Variants in ARHGAP12 observed in about 807,000 individuals in gnomAD.
ARHGAP12 encodes the protein Rho GTPase activating protein 12, also known as rho GTPase-activating protein 12.
Under a neutral mutation model 108.6 loss-of-function variants are expected in ARHGAP12, and 64 were observed. The observed-to-expected ratio is 0.59, with a 90% CI of 0.48 to 0.73. The LOEUF is 0.73. Among genes scored for constraint, ARHGAP12 ranks in the 30% least tolerant of loss-of-function variants. ARHGAP12 has a pLI of 0.00. For synonymous variants in ARHGAP12, 312 were observed against 337.2 expected (o/e 0.93, Z 0.82); for missense variants, 940 against 1,005.9 (o/e 0.93, Z 0.89).
intron 3 of ARHGAP12, among the ~76,000 whole-genome samples, chr10:31,865,819 A>C (rs1299876747): frequency 1.3e-5 from 2 of 151,506 alleles, no homozygotes; most frequent in Non-Finnish European, 1.5e-5. Context: ...CAGAGCTTGC[A>C]GTGAGCCAAG....
At chr10:31,863,709 G>T (rs926861866) in intron 3 of ARHGAP12, among the ~76,000 whole-genome samples, 4 of 151,814 alleles carry the variant, frequency 2.6e-5, no homozygotes, top group African/African-American at 9.7e-5. Context: ...AATGAAACAA[G>T]CACAGATATT....
At chr10:31,857,404 G>T (rs892436164) in intron 4 of ARHGAP12, among the ~76,000 whole-genome samples, 3 of 152,096 alleles carry the variant, frequency 2.0e-5, no homozygotes, top group Admixed American at 6.5e-5. Flanking sequence ...AATAGAAGCT[G>T]GATCTTGAAA....
At position 31,883,242 on chromosome 10, in the gene ARHGAP12, T is replaced by C. The variant is rs189421553; in HGVS notation, c.685-21584A>G. 6.0e-3 allele frequency among the ~76,000 whole-genome samples: 918 copies of C among 151,786 alleles called. 15 individuals carry two copies. Among genetic ancestry groups the C allele is most frequent in the African/African-American group, 0.02 (841 of 41,362 alleles). ...CCTGGGAGGCGGAGGTTGTGGTGAGTTGAGATTGCGCCATTGCACTCCAGC... is the reference window on the plus strand; with the variant it reads ...CCTGGGAGGCGGAGGTTGTGGTGAGCTGAGATTGCGCCATTGCACTCCAGC... On this transcript the variant is annotated intron_variant, in intron 3 of 19. Transcript: ENST00000344936.
rs1335401330 is a variant in ARHGAP12, at chr10:31,843,375, TA to T, written c.1296+85del. 5.8e-6 allele frequency: 8 copies of T among 1,376,102 alleles called. No homozygotes were observed. The Admixed American group carries it at 2.0e-4, about 34-fold the overall frequency. 85.2% of individuals were successfully genotyped at this position (1,376,102 alleles called of 1,614,324 possible). On this transcript the variant is annotated intron_variant, in intron 7 of 19. Coordinates refer to ENST00000344936, the MANE Select transcript of ARHGAP12 (RefSeq NM_018287.7). ...AAATGTTTTAGCAAAGAATATTTAC[TA>T]AATACATAAAATATTAGTACGAATA...
At chr10:31,861,812 A>C (rs1416286737) in intron 3 of ARHGAP12, among the ~76,000 whole-genome samples, 154 bp from the exon 4 acceptor site, 1 of 152,254 alleles carries the variant, frequency 6.6e-6, no homozygotes, top group Non-Finnish European at 1.5e-5. Flanking sequence ...TAACAGTTTT[A>C]ATATTCATAG....
intron 3 of ARHGAP12, among the ~76,000 whole-genome samples, chr10:31,873,033 C>G (rs1837600655): frequency 6.6e-6 from 1 of 152,136 alleles, no homozygotes; most frequent in Non-Finnish European, 1.5e-5. Context: ...AATTCATGGG[C>G]TTCCTGTGCA....
intron 11 of ARHGAP12, among the ~76,000 whole-genome samples, chr10:31,820,715 TATATATA>T (rs1564370095): frequency 2.7e-5 from 2 of 74,122 alleles, no homozygotes; most frequent in Non-Finnish European, 2.5e-5. Flanking sequence ...CATCATATTA[TATATATA>T]TATATATATA....
At chr10:31,897,004 G>A (rs575967492) in intron 3 of ARHGAP12, among the ~76,000 whole-genome samples, 2 of 152,264 alleles carry the variant, frequency 1.3e-5, no homozygotes, top group South Asian at 4.1e-4. Context: ...AACTGCTGGA[G>A]GCTAAGTGTG....
chr10:31,909,565 G>T (rs1342234526), intron 2 of ARHGAP12, among the ~76,000 whole-genome samples: 1 of 152,208 alleles, frequency 6.6e-6, no homozygotes, highest in Non-Finnish European at 1.5e-5. Context: ...TATTTGATTA[G>T]GGTGGGCCCC....
At position 31,906,709 on chromosome 10, in the gene ARHGAP12, G is replaced by A. The variant is rs894358647; in HGVS notation, c.684+1463C>T. On this transcript the variant is annotated intron_variant, in intron 3 of 19. Transcript: ENST00000344936. ...TTTCCAAACAGTGTTAAGGCCCCAG[G>A]AGAAGTTAGGAGCCATGGAACTCCA... is the stretch of plus-strand genomic sequence containing the variant. 1.3e-5 allele frequency among the ~76,000 whole-genome samples: 2 copies of A among 152,156 alleles called. 1 individual carries two copies. The highest frequency in any genetic ancestry group is 2.9e-5 in the Non-Finnish European group (2 of 68,012).
chr10:31,892,334 A>G (rs910619174), intron 3 of ARHGAP12, among the ~76,000 whole-genome samples: 4 of 152,236 alleles, frequency 2.6e-5, no homozygotes, highest in Non-Finnish European at 5.9e-5. Flanking sequence ...TAAAGAGTTA[A>G]GACCCATCAG....
At chr10:31,895,256 A>C (rs897268509) in intron 3 of ARHGAP12, among the ~76,000 whole-genome samples, 1 of 152,248 alleles carries the variant, frequency 6.6e-6, no homozygotes, top group Non-Finnish European at 1.5e-5. Context: ...AATGGGATCG[A>C]ATTAAACTAA....
intron 9 of ARHGAP12, among the ~76,000 whole-genome samples, chr10:31,832,244 G>A (rs1397842042): frequency 6.6e-6 from 1 of 152,086 alleles, no homozygotes; most frequent in African/African-American, 2.4e-5. Flanking sequence ...TGTAAAAATA[G>A]GGAGACCAAA....
intron 7 of ARHGAP12, among the ~76,000 whole-genome samples, chr10:31,840,750 G>A (rs1031476590): frequency 1.3e-5 from 2 of 151,996 alleles, no homozygotes; most frequent in Non-Finnish European, 2.9e-5. Context: ...AAATGTCTTC[G>A]GGTTTATATC....
intron 4 of ARHGAP12, among the ~76,000 whole-genome samples, chr10:31,855,002 G>C (rs1836831584): frequency 7.5e-6 from 1 of 133,358 alleles, no homozygotes; most frequent in Non-Finnish European, 1.6e-5. Flanking sequence ...AGGAGGAGGA[G>C]GAGGAGCAGG....
At chr10:31,860,611 T>C (rs976592585) in intron 4 of ARHGAP12, among the ~76,000 whole-genome samples, 2 of 152,228 alleles carry the variant, frequency 1.3e-5, no homozygotes, top group African/African-American at 2.4e-5. Flanking sequence ...GATTCAATTG[T>C]AGCAAAGGAA....
intron 5 of ARHGAP12, among the ~76,000 whole-genome samples, chr10:31,852,839 G>A (rs572095713): frequency 5.7e-5 from 8 of 139,440 alleles, no homozygotes; most frequent in Admixed American, 1.6e-4. Context: ...CAATTCTCCC[G>A]CATCAGCCTC....
In ARHGAP12 at chr10:31,912,869, T is replaced by C. The variant is rs111482937; in HGVS notation, c.-110-2306A>G. ...AGGTCTAGGAAGAGCCACATAAAAA[T>C]GAAAGAAAAAAACTTATTATAAATT... On this transcript the variant is annotated intron_variant, in intron 1 of 19. Coordinates refer to ENST00000344936, the MANE Select transcript of ARHGAP12 (RefSeq NM_018287.7). 2.5e-3 allele frequency among the ~76,000 whole-genome samples: 387 copies of C among 152,214 alleles called. 1 individual carries two copies. Among genetic ancestry groups the C allele is most frequent in the African/African-American group, 9.1e-3 (376 of 41,540 alleles).
chr10:31,853,938 T>A, intron 5 of ARHGAP12, 128 bp downstream of exon 5: 2 of 988,924 alleles, frequency 2.0e-6, no homozygotes, highest in South Asian at 3.8e-5. Flanking sequence ...TCAATTGGCA[T>A]GATTATAAAG....
Sources: allele counts gnomAD v4.1 joint callset (sites outside exome capture counted in the v4.1 genomes callset), GRCh38; gene constraint gnomAD v4.1.1; transcripts MANE v1.5; gene names NCBI Gene and HGNC (gene_info 2026-07-23, HGNC 2026-07-21).